Variants in RBFOX1 observed in about 807,000 individuals in gnomAD.
RBFOX1 encodes RNA binding fox-1 homolog 1, also known as RNA binding protein fox-1 homolog 1.
RBFOX1 carries 8 observed loss-of-function variants against 57.7 expected under a neutral mutation model. The ratio of observed to expected loss-of-function variants is 0.14; its 90% CI spans 0.08 to 0.25. The LOEUF is 0.25. RBFOX1 is among the 10% of genes least tolerant of loss of function. The pLI, the probability that RBFOX1 is intolerant of heterozygous loss-of-function variation, is 1.00. For missense variants in RBFOX1, 611 were observed against 548.5 expected (o/e 1.11, Z -1.14); for synonymous variants, 326 against 222.4 (o/e 1.47, Z -4.15).
chr16:6,767,997 G>A (rs2077651679), intron 3 of RBFOX1, among the ~76,000 whole-genome samples: 2 of 144,112 alleles, frequency 1.4e-5, no homozygotes, highest in Non-Finnish European at 3.0e-5. Context: ...AAATTATGGA[G>A]AAAACTGGAC....
chr16:6,778,865 T>C (rs1053894765), intron 3 of RBFOX1, among the ~76,000 whole-genome samples: 44 of 111,382 alleles, frequency 4.0e-4, no homozygotes, highest in African/African-American at 1.3e-3. Flanking sequence ...CACACTCTAG[T>C]TTTTTTTTTA....
At chr16:5,786,007 C>T (rs1378137237) in intron 3 of RBFOX1, among the ~76,000 whole-genome samples, 2 of 152,164 alleles carry the variant, frequency 1.3e-5, no homozygotes, top group Non-Finnish European at 2.9e-5. Flanking sequence ...TCCATTGGAC[C>T]ACCAGAGCTT....
intron 1 of RBFOX1, among the ~76,000 whole-genome samples, chr16:6,179,208 C>A (rs760827069): frequency 2.1e-4 from 32 of 152,172 alleles, no homozygotes; most frequent in Non-Finnish European, 4.4e-4. Flanking sequence ...GACAGTGGGG[C>A]TGTCTTCTCC....
At chr16:6,448,713 C>T (rs9652638) in intron 2 of RBFOX1, among the ~76,000 whole-genome samples, 83,348 of 151,886 alleles carry the variant, frequency 0.55, 23,089 homozygotes, top group East Asian at 0.62. Flanking sequence ...ATATCATCAA[C>T]TGAAAAAATG....
chr16:5,270,283 C>T (rs1401298340), intron 1 of RBFOX1: 2 of 644,590 alleles, frequency 3.1e-6, no homozygotes, highest in Non-Finnish European at 5.7e-6. Flanking sequence ...AAAGCACCTG[C>T]TATGTTCAAT....
At chr16:5,691,468 T>C (rs1251902703) in intron 3 of RBFOX1, among the ~76,000 whole-genome samples, 1 of 152,228 alleles carries the variant, frequency 6.6e-6, no homozygotes, top group African/African-American at 2.4e-5. Context: ...TAATTCAATG[T>C]TCATGGCAAC....
intron 1 of RBFOX1, among the ~76,000 whole-genome samples, chr16:6,126,152 T>C (rs1304416278): frequency 6.6e-6 from 1 of 152,194 alleles, no homozygotes; most frequent in Non-Finnish European, 1.5e-5. Context: ...ATCCGAGGGA[T>C]TAAATACCCC....
chr16:7,685,233 A>G (rs1304750768), intron 14 of RBFOX1, among the ~76,000 whole-genome samples: 1 of 152,116 alleles, frequency 6.6e-6, no homozygotes, highest in Non-Finnish European at 1.5e-5. Context: ...GTCCTGCCAC[A>G]AACCTTGCAA....
At chr16:6,498,062 A>G (rs988823022) in intron 2 of RBFOX1, among the ~76,000 whole-genome samples, 1 of 151,910 alleles carries the variant, frequency 6.6e-6, no homozygotes, top group African/African-American at 2.4e-5. Flanking sequence ...CAGCCTTGCC[A>G]GCATGATGAA....
intron 5 of RBFOX1, among the ~76,000 whole-genome samples, chr16:7,573,264 C>G (rs150091963): frequency 4.6e-5 from 7 of 152,234 alleles, no homozygotes; most frequent in African/African-American, 1.2e-4. Context: ...AAGAGGCCAA[C>G]AAGCGACAAT....
chr16:5,580,535 G>T (rs1039763899), intron 2 of RBFOX1, among the ~76,000 whole-genome samples: 3 of 152,192 alleles, frequency 2.0e-5, no homozygotes, highest in Non-Finnish European at 4.4e-5. Flanking sequence ...CAGAGCCAGG[G>T]CTGCTTGGCT....
intron 10 of RBFOX1, among the ~76,000 whole-genome samples, 192 bp downstream of exon 10, chr16:7,607,530 T>G (rs1208976659): frequency 2.0e-5 from 3 of 152,202 alleles, no homozygotes; most frequent in Non-Finnish European, 4.4e-5. Flanking sequence ...CGTCTAAGTT[T>G]CATGGTTGGG....
chr16:5,665,846 C>T (rs1309948846), intron 3 of RBFOX1, among the ~76,000 whole-genome samples: 1 of 152,220 alleles, frequency 6.6e-6, no homozygotes, highest in African/African-American at 2.4e-5. Context: ...CCATGCTGTG[C>T]CCTGAAAGCC....
At chr16:7,627,119 G>A (rs1364176195) in intron 10 of RBFOX1, among the ~76,000 whole-genome samples, 7 of 121,544 alleles carry the variant, frequency 5.8e-5, no homozygotes, top group Admixed American at 2.5e-4. Context: ...AAGCCCCTCC[G>A]CCTCCTTTTT....
At chr16:5,374,606 G>A (rs1340807882) in intron 1 of RBFOX1, among the ~76,000 whole-genome samples, 3 of 152,108 alleles carry the variant, frequency 2.0e-5, no homozygotes, top group Admixed American at 1.3e-4. Flanking sequence ...GAATGGTTGG[G>A]GGATGAGCTT....
intron 1 of RBFOX1, among the ~76,000 whole-genome samples, chr16:5,280,825 CT>C (rs912234498): frequency 7.0e-4 from 82 of 116,320 alleles, no homozygotes; most frequent in Admixed American, 8.7e-4. Context: ...TCCTTTCTTT[CT>C]TTTTTTTTTT....
At chr16:7,313,811 C>T (rs190058782) in intron 4 of RBFOX1, among the ~76,000 whole-genome samples, 189 of 152,188 alleles carry the variant, frequency 1.2e-3, no homozygotes, top group Middle Eastern at 6.8e-3. Context: ...GACACTTTTG[C>T]CCCAGAACCG....
chr16:5,440,283 T>G (rs1252684910), intron 1 of RBFOX1, among the ~76,000 whole-genome samples: 1 of 152,206 alleles, frequency 6.6e-6, no homozygotes, highest in Non-Finnish European at 1.5e-5. Flanking sequence ...CTCCTTCCAA[T>G]TATATATTCA....
chr16:5,345,715 C>G (rs1310696349), intron 1 of RBFOX1, among the ~76,000 whole-genome samples: 1 of 152,204 alleles, frequency 6.6e-6, no homozygotes, highest in Non-Finnish European at 1.5e-5. Flanking sequence ...CCATCTCTTT[C>G]CGATGCATGG....
Sources: gnomAD v4.1 joint callset for allele counts (sites outside exome capture counted in the v4.1 genomes callset) on GRCh38, gnomAD v4.1.1 for gene constraint, MANE v1.5 for transcripts, NCBI Gene and HGNC (gene_info 2026-07-23, HGNC 2026-07-21) for gene names.